Variants in SMG5 observed in about 807,000 individuals in gnomAD.
SMG5 encodes the protein nonsense-mediated mRNA decay factor SMG5.
In SMG5, 53 loss-of-function variants were observed where a neutral mutation model predicts 122.9. The observed-to-expected ratio is 0.43, with a 90% CI of 0.35 to 0.54. SMG5 has a LOEUF of 0.54. SMG5 is among the 20% of genes least tolerant of loss of function. The pLI, the probability that SMG5 is intolerant of heterozygous loss-of-function variation, is 0.01. For missense variants in SMG5, 1,153 were observed against 1,285.6 expected (o/e 0.90, Z 1.58); for synonymous variants, 477 against 490.2 (o/e 0.97, Z 0.35).
At position 156,249,813 on chromosome 1, in the gene SMG5, G is replaced by A; in HGVS notation, c.*774C>T. ...ACAGCAGCCAAGAGCACAAAGCACA[G>A]CACCTGTGGGGCTGGTGGGCACAGG... On this transcript the variant is annotated 3_prime_UTR_variant, in exon 22 of 22. Coordinates refer to ENST00000361813, the MANE Select transcript of SMG5 (RefSeq NM_015327.3). 4.2e-6 allele frequency: 2 copies of A among 471,266 alleles called. No individual in the cohort carries two copies. The highest frequency in any genetic ancestry group is 3.1e-5 in the South Asian group (2 of 64,574). The allele number at this position is 471,266 out of a possible 1,614,324, so 29.2% of individuals were successfully genotyped here. A position where few individuals can be genotyped will look rare whatever the true frequency, so the allele number is the denominator to read the frequency against.
intron 12 of SMG5, among the ~76,000 whole-genome samples, chr1:156,265,395 T>G (rs1189196070): frequency 3.9e-5 from 6 of 152,146 alleles, no homozygotes; most frequent in Non-Finnish European, 8.8e-5. Context: ...GCAGGGAATA[T>G]CCTCAGGAGA....
rs1025522000 is a variant in SMG5 at position 156,268,191 on chromosome 1, G to A, written c.840-8C>T. ...CTTTTAATGTCTTTACATCTGAAAT[G>A]AGAAGAGCCCAAAGTAAATGCTGAA... On this transcript the variant is annotated splice_region_variant and splice_polypyrimidine_tract_variant and intron_variant, in intron 8 of 21. Coordinates refer to ENST00000361813, the MANE Select transcript of SMG5 (RefSeq NM_015327.3). 3.1e-6 allele frequency: 5 copies of A among 1,614,150 alleles called. No individual in the cohort carries two copies. The highest frequency in any genetic ancestry group is 3.3e-4 in the Middle Eastern group (2 of 6,062).
intron 16 of SMG5, among the ~76,000 whole-genome samples, chr1:156,254,600 T>G (rs1238782512): frequency 6.6e-6 from 1 of 152,134 alleles, no homozygotes; most frequent in Non-Finnish European, 1.5e-5. Flanking sequence ...CATGCCACCA[T>G]GCCTGGCTAA....
Position 156,278,049 on chromosome 1 carries a change from C to A in SMG5, c.174-1G>T. 1 of 1,613,894 alleles carries A rather than the reference C, an allele frequency of 6.2e-7. No homozygotes were observed. ...AAGCTTGACGCAGAGCTCACGCAGCCTGGAGGGTGTAGAGGAGCATGAGAG... is the reference window on the plus strand; with the variant it reads ...AAGCTTGACGCAGAGCTCACGCAGCATGGAGGGTGTAGAGGAGCATGAGAG... On this transcript the variant is annotated splice_acceptor_variant, in intron 2 of 21. Coordinates refer to ENST00000361813, the MANE Select transcript of SMG5 (RefSeq NM_015327.3). LOFTEE classifies it high-confidence loss of function.
upstream of SMG5, among the ~76,000 whole-genome samples, chr1:156,287,193 G>T (rs183038597): frequency 6.6e-6 from 1 of 151,710 alleles, no homozygotes; most frequent in African/African-American, 2.4e-5. Context: ...GAGGTGGGTG[G>T]ATCACAATGT....
intron 1 of SMG5, among the ~76,000 whole-genome samples, chr1:156,280,104 A>G (rs568958176): frequency 1.3e-5 from 2 of 151,976 alleles, no homozygotes; most frequent in Non-Finnish European, 2.9e-5. Flanking sequence ...TGAGGGGGAG[A>G]CTCCAGGCAC....
In SMG5 at chr1:156,250,806, C is replaced by G. The variant is rs1488113210; in HGVS notation, c.2967+52G>C. Reference sequence around the variant, plus strand: ...GGAGGGTCTGGGGATGGAGTCTGCTCTGGTACCTCGTCCCTATTCCACACC... The same window carrying G: ...GGAGGGTCTGGGGATGGAGTCTGCTGTGGTACCTCGTCCCTATTCCACACC... On this transcript the variant is annotated intron_variant, in intron 21 of 21. Coordinates refer to ENST00000361813, the MANE Select transcript of SMG5 (RefSeq NM_015327.3). 11 of 1,609,734 alleles carry G rather than the reference C, an allele frequency of 6.8e-6. No individual in the cohort carries two copies. In the Admixed American group the frequency reaches 1.8e-4, roughly 27 times the overall value.
chr1:156,282,521 C>T, intron 1 of SMG5, 86 bp downstream of exon 1: 1 of 1,460,578 alleles, frequency 6.8e-7, no homozygotes, highest in Non-Finnish European at 9.2e-7. Context: ...ACCCCGACAC[C>T]CGGGCCCCGC....
At position 156,276,848 on chromosome 1, in the gene SMG5, G is replaced by T. The variant is rs1237594796; in HGVS notation, c.454+237C>A. 2.6e-5 allele frequency among the ~76,000 whole-genome samples: 4 copies of T among 152,302 alleles called. No individual in the cohort carries two copies. In the East Asian group the frequency reaches 7.7e-4, roughly 29 times the overall value. On this transcript the variant is annotated intron_variant, in intron 4 of 21. Transcript: ENST00000361813. ...CCTTCCAGTGCCAGACCTACTCTAG[G>T]TCTTTCTGTCCCTCCTCTGCCTTAG... is the stretch of plus-strand genomic sequence containing the variant.
At chr1:156,291,367 C>T in the SMG5 span, 4 of 1,612,804 alleles carry the variant, frequency 2.5e-6, no homozygotes, top group Non-Finnish European at 3.4e-6. Flanking sequence ...TAGCCTGACC[C>T]TTTTCTTGCC....
chr1:156,266,425 G>A, intron 11 of SMG5, 45 bp from the exon 12 acceptor site: 2 of 1,601,050 alleles, frequency 1.2e-6, no homozygotes. Flanking sequence ...AACAGGTGGA[G>A]CCTGGAAGCT....
the SMG5 span, among the ~76,000 whole-genome samples, chr1:156,289,096 CA>C: frequency 2.0e-5 from 3 of 152,186 alleles, no homozygotes; most frequent in African/African-American, 7.2e-5. Context: ...GTTCATTAAG[CA>C]GTTTGTGCCT....
chr1:156,256,824 G>A (rs1057485867), intron 16 of SMG5, among the ~76,000 whole-genome samples: 1 of 152,064 alleles, frequency 6.6e-6, no homozygotes, highest in Non-Finnish European at 1.5e-5. Flanking sequence ...GCCAGGATAA[G>A]AAATCCATAG....
In SMG5 at chr1:156,265,855, G is replaced by T. The variant is rs895246553; in HGVS notation, c.1781C>A (p.Pro594His). ...GGCCGAGGTATGAGGGTTGGTGGTG[G>T]GCTGGAGGAGCAGGTTGCTAAAGGT... ...APTFSNLLLQ[P>H]TTNPHTSASH... is the part of the protein sequence containing the mutation. Residue 594 changes from proline (P) to histidine (H), a missense_variant, in exon 12 of 22, where the codon CCC becomes CAC. By Grantham distance (77) the Pro-to-His change is moderately conservative. This residue lies in a region of SMG5 where 631 missense variants were observed against 650.6 expected (regional missense o/e 0.97). Coordinates refer to ENST00000361813, the MANE Select transcript of SMG5 (RefSeq NM_015327.3). 1.9e-6 allele frequency: 3 copies of T among 1,614,234 alleles called. No homozygotes were observed. Among genetic ancestry groups the T allele is most frequent in the Non-Finnish European group, 2.5e-6 (3 of 1,180,052 alleles).
chr1:156,286,444 T>A (rs1318430203), upstream of SMG5: 1 of 1,614,190 alleles, frequency 6.2e-7, no homozygotes, highest in Non-Finnish European at 8.5e-7. Context: ...AACTGCTCCC[T>A]CTGCTCACTG....
the SMG5 span, chr1:156,291,221 C>T: frequency 1.6e-6 from 1 of 615,612 alleles, no homozygotes; most frequent in South Asian, 1.9e-5. Flanking sequence ...TAGCGCTGTG[C>T]CTAATACATG....
At chr1:156,282,386 G>A (rs1191101582) in intron 1 of SMG5, among the ~76,000 whole-genome samples, 1 of 152,192 alleles carries the variant, frequency 6.6e-6, no homozygotes, top group Admixed American at 6.5e-5. Flanking sequence ...CTGCAGAGGG[G>A]ATTCCTCCAC....
chr1:156,258,396 G>A (rs1040585098), intron 16 of SMG5, among the ~76,000 whole-genome samples: 3 of 152,370 alleles, frequency 2.0e-5, no homozygotes, highest in African/African-American at 4.8e-5. Context: ...GGAAACTGGC[G>A]TGGTGAGGTT....
rs1438345195 is a variant in SMG5, at chr1:156,282,781, C to A, written c.-101G>T. On this transcript the variant is annotated 5_prime_UTR_variant, in exon 1 of 22. Transcript: ENST00000361813. ...GCCGTAGCCGCAGCCGCCGCCGCCA[C>A]CGGCCCTGCTCGGCCGCCATCGCTG... 2.3e-6 allele frequency: 3 copies of A among 1,315,252 alleles called. No homozygotes were observed. Among genetic ancestry groups the A allele is most frequent in the Admixed American group, 2.4e-5 (1 of 41,042 alleles). The allele number at this position is 1,315,252 out of a possible 1,614,324, so 81.5% of individuals were successfully genotyped here. A position where few individuals can be genotyped will look rare whatever the true frequency, so the allele number is the denominator to read the frequency against.
Sources: gnomAD v4.1 joint callset for allele counts (sites outside exome capture counted in the v4.1 genomes callset) on GRCh38, gnomAD v4.1.1 for gene constraint, gnomAD v4.1.1 regional missense constraint, MANE v1.5 for transcripts, NCBI Gene and HGNC (gene_info 2026-07-23, HGNC 2026-07-21) for gene names.